The following AGMO variants were observed in gnomAD, a reference collection of about 807,000 sequenced individuals.
AGMO encodes glyceryl-ether monooxygenase.
In AGMO, 75 loss-of-function variants were observed where a neutral mutation model predicts 60.2. The observed-to-expected ratio is 1.25, with a 90% confidence interval of 1.03 to 1.51. The LOEUF (loss-of-function observed/expected upper bound fraction) is 1.51, where lower values mean the gene tolerates loss of function less well. AGMO is among the 40% of genes most tolerant of loss of function. The pLI is 0.00. For synonymous variants in AGMO, 261 were observed against 177.1 expected (o/e 1.47, Z -3.76); for missense variants, 763 against 525.5 (o/e 1.45, Z -4.42).
intron 12 of AGMO, among the ~76,000 whole-genome samples, chr7:15,342,656 C>A (rs112032290): frequency 6.6e-6 from 1 of 151,148 alleles, no homozygotes; most frequent in African/African-American, 2.4e-5. Context: ...ATTTTGCGCG[C>A]GTGTGTGTGT....
intron 12 of AGMO, among the ~76,000 whole-genome samples, chr7:15,201,769 C>T (rs1374098020): frequency 6.6e-6 from 1 of 151,816 alleles, no homozygotes; most frequent in Non-Finnish European, 1.5e-5. Context: ...TTAAAGAATC[C>T]CTCCAAGTCA....
intron 3 of AGMO, among the ~76,000 whole-genome samples, chr7:15,500,516 C>T (rs1309098398): frequency 1.3e-5 from 2 of 151,660 alleles, no homozygotes; most frequent in Non-Finnish European, 1.5e-5. Context: ...TGTGTGTGTA[C>T]ATTTTTTGAT....
chr7:15,271,225 T>C (rs777711123), intron 12 of AGMO, among the ~76,000 whole-genome samples: 64 of 152,158 alleles, frequency 4.2e-4, no homozygotes, highest in African/African-American at 1.5e-3. Context: ...GGTAATTTGA[T>C]AGAAATTCAT....
At chr7:15,182,090 A>G in the AGMO span, among the ~76,000 whole-genome samples, 1 of 152,198 alleles carries the variant, frequency 6.6e-6, no homozygotes, top group South Asian at 2.1e-4. Flanking sequence ...AAGTGAAATA[A>G]GCCAGTCAAA....
the AGMO span, among the ~76,000 whole-genome samples, chr7:15,145,613 G>T: frequency 6.6e-6 from 1 of 151,958 alleles, no homozygotes. Flanking sequence ...AAACCCTAGT[G>T]TTTTAAAGGA....
At chr7:15,122,372 C>T in the AGMO span, among the ~76,000 whole-genome samples, 4 of 152,184 alleles carry the variant, frequency 2.6e-5, no homozygotes, top group East Asian at 3.9e-4. Flanking sequence ...CTGCAGTCAC[C>T]GTCTTTGTTC....
chr7:15,361,590 A>G (rs1236405863), intron 12 of AGMO, among the ~76,000 whole-genome samples: 1 of 151,454 alleles, frequency 6.6e-6, no homozygotes, highest in Non-Finnish European at 1.5e-5. Flanking sequence ...ATCTATGCTC[A>G]TTAAAGAATA....
chr7:15,276,611 T>G (rs1445375446), intron 12 of AGMO, among the ~76,000 whole-genome samples: 1 of 152,160 alleles, frequency 6.6e-6, no homozygotes, highest in Non-Finnish European at 1.5e-5. Context: ...TTTTTCTTCA[T>G]TATTCACTCA....
At chr7:15,421,591 A>G (rs1780926669) in intron 4 of AGMO, among the ~76,000 whole-genome samples, 1 of 152,142 alleles carries the variant, frequency 6.6e-6, no homozygotes, top group African/African-American at 2.4e-5. Flanking sequence ...GTTGAGAGGT[A>G]AATAGCAGTG....
chr7:15,465,660 G>A (rs1782265560), intron 3 of AGMO, among the ~76,000 whole-genome samples: 2 of 149,782 alleles, frequency 1.3e-5, no homozygotes, highest in South Asian at 2.1e-4. Flanking sequence ...TGCCCAGGCT[G>A]CTCCAAAACT....
At chr7:15,416,564 G>A (rs1247810941) in intron 5 of AGMO, among the ~76,000 whole-genome samples, 1 of 152,054 alleles carries the variant, frequency 6.6e-6, no homozygotes, top group Non-Finnish European at 1.5e-5. Flanking sequence ...AGTGAGAACT[G>A]ATTTTTATGG....
intron 5 of AGMO, among the ~76,000 whole-genome samples, chr7:15,397,543 G>A (rs981337474): frequency 6.6e-6 from 1 of 152,190 alleles, no homozygotes; most frequent in African/African-American, 2.4e-5. Context: ...AGGGCTGCTA[G>A]CACGTTGTTA....
chr7:15,491,496 C>A lies in AGMO; in HGVS notation c.409+53276G>T, dbSNP rs544855708. 2.5e-4 allele frequency among the ~76,000 whole-genome samples: 38 copies of A among 152,178 alleles called. No homozygotes were observed. In the South Asian group the frequency reaches 3.1e-3, roughly 12 times the overall value. On this transcript the variant is annotated intron_variant, in intron 3 of 12. Coordinates refer to ENST00000342526, the MANE Select transcript of AGMO (RefSeq NM_001004320.2). ...ATTTAAGTATAGTACTTATTATGTG[C>A]CATACCACAAAGTAAGTGCTATATA... is the stretch of plus-strand genomic sequence containing the variant.
intron 3 of AGMO, among the ~76,000 whole-genome samples, chr7:15,456,888 T>C (rs1029506816): frequency 6.6e-6 from 1 of 152,182 alleles, no homozygotes; most frequent in African/African-American, 2.4e-5. Context: ...CTTCCATTTA[T>C]TGCTCAATGT....
intron 4 of AGMO, among the ~76,000 whole-genome samples, chr7:15,423,988 A>C (rs1269246381): frequency 6.6e-6 from 1 of 152,176 alleles, no homozygotes; most frequent in Non-Finnish European, 1.5e-5. Context: ...TTTTATTGTT[A>C]TTCCTAAAAT....
intron 3 of AGMO, among the ~76,000 whole-genome samples, chr7:15,514,624 G>A (rs139418946): frequency 1.3e-5 from 2 of 152,254 alleles, no homozygotes; most frequent in African/African-American, 4.8e-5. Context: ...AATGCCTTAA[G>A]AGAGTATATG....
intron 12 of AGMO, among the ~76,000 whole-genome samples, chr7:15,341,009 A>C (rs1393410577): frequency 6.6e-6 from 1 of 152,260 alleles, no homozygotes; most frequent in East Asian, 1.9e-4. Context: ...AAAGGGGTGG[A>C]GCTGCCCAAG....
intron 10 of AGMO, among the ~76,000 whole-genome samples, chr7:15,383,236 A>T (rs1161299935): frequency 6.6e-6 from 1 of 152,118 alleles, no homozygotes; most frequent in African/African-American, 2.4e-5. Flanking sequence ...TGCCACCATG[A>T]AGGGTCACAG....
chr7:15,335,147 C>T (rs950435789), intron 12 of AGMO, among the ~76,000 whole-genome samples: 54 of 152,078 alleles, frequency 3.6e-4, no homozygotes, highest in African/African-American at 1.1e-3. Flanking sequence ...TAACTGGTTT[C>T]GTGTAAAATA....
Sources: allele counts gnomAD v4.1 joint callset (sites outside exome capture counted in the v4.1 genomes callset), GRCh38; gene constraint gnomAD v4.1.1; transcripts MANE v1.5; gene names NCBI Gene and HGNC (gene_info 2026-07-23, HGNC 2026-07-21).